Variants in FUT8 observed in about 807,000 individuals in gnomAD.
FUT8 encodes the protein fucosyltransferase 8.
FUT8 carries 29 observed loss-of-function variants against 71.3 expected under a neutral mutation model. The ratio of observed to expected loss-of-function variants is 0.41; its 90% CI spans 0.30 to 0.55. FUT8 has a LOEUF of 0.55. Among genes scored for constraint, FUT8 ranks in the 20% least tolerant of loss-of-function variants. The pLI is 0.34. For synonymous variants in FUT8, 254 were observed against 239.3 expected (o/e 1.06, Z -0.57); for missense variants, 544 against 702.1 (o/e 0.77, Z 2.55).
At chr14:65,720,926 A>G (rs1187536440) in intron 7 of FUT8, among the ~76,000 whole-genome samples, 2 of 152,040 alleles carry the variant, frequency 1.3e-5, no homozygotes, top group African/African-American at 2.4e-5. Context: ...GTGACATGGT[A>G]ACACTGAGTT....
intron 2 of FUT8, among the ~76,000 whole-genome samples, chr14:65,554,429 TA>T (rs1885467646): frequency 2.1e-5 from 2 of 93,036 alleles, no homozygotes; most frequent in Non-Finnish European, 4.7e-5. Context: ...TATCTATATA[TA>T]TATTATATAT....
intron 2 of FUT8, among the ~76,000 whole-genome samples, chr14:65,521,390 T>A (rs1192833010): frequency 1.3e-5 from 2 of 152,206 alleles, no homozygotes; most frequent in Non-Finnish European, 2.9e-5. Flanking sequence ...ACTCACAATA[T>A]TTATACTTTT....
chr14:65,377,541 A>G, the FUT8 span, among the ~76,000 whole-genome samples: 1 of 152,228 alleles, frequency 6.6e-6, no homozygotes, highest in African/African-American at 2.4e-5. Flanking sequence ...GTGTTCATGG[A>G]AAGTCACCAT....
At chr14:65,717,275 G>A (rs1594932162) in intron 7 of FUT8, among the ~76,000 whole-genome samples, 1 of 116,684 alleles carries the variant, frequency 8.6e-6, no homozygotes, top group Non-Finnish European at 1.7e-5. Context: ...CCGGGCAGAG[G>A]CGCTCCTCAC....
intron 2 of FUT8, among the ~76,000 whole-genome samples, chr14:65,524,052 G>T (rs1019553772): frequency 2.0e-5 from 3 of 152,176 alleles, no homozygotes; most frequent in Non-Finnish European, 4.4e-5. Context: ...ACTTGGCAAT[G>T]CGGGCTCTTT....
At chr14:65,425,349 G>A (rs142403947) in intron 1 of FUT8, among the ~76,000 whole-genome samples, 1,832 of 151,396 alleles carry the variant, frequency 0.012, 15 homozygotes, top group South Asian at 0.024. Flanking sequence ...TGTATTTTTA[G>A]TAGAGACAGG....
chr14:65,480,015 G>T (rs1045166947), intron 2 of FUT8, among the ~76,000 whole-genome samples: 2 of 152,024 alleles, frequency 1.3e-5, no homozygotes, highest in Non-Finnish European at 2.9e-5. Context: ...ACTATGATTG[G>T]TTCTGGGTGG....
At chr14:65,582,278 GA>G (rs1182776321) in intron 3 of FUT8, among the ~76,000 whole-genome samples, 1 of 151,546 alleles carries the variant, frequency 6.6e-6, no homozygotes, top group Non-Finnish European at 1.5e-5. Context: ...TTTTTTCCTG[GA>G]AGTGTTATAC....
At chr14:65,506,968 T>A (rs1182700672) in intron 2 of FUT8, among the ~76,000 whole-genome samples, 1 of 152,236 alleles carries the variant, frequency 6.6e-6, no homozygotes, top group African/African-American at 2.4e-5. Flanking sequence ...CTCAGCTGTT[T>A]ACAGACTCCC....
At chr14:65,373,112 T>A in the FUT8 span, among the ~76,000 whole-genome samples, 1 of 151,974 alleles carries the variant, frequency 6.6e-6, no homozygotes, top group Admixed American at 6.5e-5. Flanking sequence ...TCATTGTTTA[T>A]CTGAAATCTG....
intron 1 of FUT8, among the ~76,000 whole-genome samples, chr14:65,437,120 G>T (rs1047719396): frequency 1.3e-5 from 2 of 152,120 alleles, no homozygotes; most frequent in Non-Finnish European, 2.9e-5. Flanking sequence ...TTATAGATGT[G>T]ACAAGAATTA....
intron 2 of FUT8, among the ~76,000 whole-genome samples, chr14:65,462,518 T>C (rs1175757660): frequency 6.6e-6 from 1 of 152,216 alleles, no homozygotes; most frequent in Non-Finnish European, 1.5e-5. Flanking sequence ...CAAGAGATTT[T>C]AGAAAAATTC....
chr14:65,575,062 C>G (rs1886678673), intron 3 of FUT8, among the ~76,000 whole-genome samples: 1 of 151,262 alleles, frequency 6.6e-6, no homozygotes, highest in African/African-American at 2.4e-5. Flanking sequence ...CCTCTTCATT[C>G]CTGTATTTTA....
intron 1 of FUT8, among the ~76,000 whole-genome samples, chr14:65,431,732 T>C (rs549653505): frequency 7.8e-4 from 118 of 151,948 alleles, no homozygotes; most frequent in Non-Finnish European, 1.6e-3. Flanking sequence ...TTTCTCTCTC[T>C]CTAAATTGTG....
the FUT8 span, among the ~76,000 whole-genome samples, chr14:65,369,310 G>A: frequency 1.3e-5 from 2 of 152,208 alleles, no homozygotes; most frequent in Non-Finnish European, 2.9e-5. The surrounding 1 kb of genome is among the most constrained non-coding windows in gnomAD (Gnocchi z 4.6). Context: ...ATAAGGACAA[G>A]GTACTGAGTT....
intron 3 of FUT8, among the ~76,000 whole-genome samples, chr14:65,590,485 C>G (rs925790539): frequency 2.0e-5 from 3 of 152,078 alleles, no homozygotes; most frequent in African/African-American, 7.2e-5. Flanking sequence ...CTTAAGATGT[C>G]TCTCTGTTTC....
intron 5 of FUT8, among the ~76,000 whole-genome samples, chr14:65,620,917 C>G (rs1889573504): frequency 2.6e-5 from 4 of 152,152 alleles, no homozygotes; most frequent in Admixed American, 2.6e-4. Context: ...TGAAGTCATC[C>G]TTATTCTGCT....
At chr14:65,449,229 TGTAAA>T (rs1329432633) in intron 1 of FUT8, among the ~76,000 whole-genome samples, 2 of 152,244 alleles carry the variant, frequency 1.3e-5, no homozygotes, top group Non-Finnish European at 1.5e-5. Flanking sequence ...CTTATTTTAC[TGTAAA>T]GTAATGTTAA....
rs1594880007 is a variant in FUT8, at chr14:65,669,064, G to A, written c.598-179G>A. On this transcript the variant is annotated intron_variant, in intron 6 of 10. Coordinates refer to ENST00000673929, the MANE Select transcript of FUT8 (RefSeq NM_001371533.1). The surrounding 1 kb of genome is among the most constrained non-coding windows in gnomAD (Gnocchi z 4.5). ...GTGGGAGGAGGGTGAAGATCAAAAAGCTGCATATCACTTACTATGCTGATT... is the reference window on the plus strand; with the variant it reads ...GTGGGAGGAGGGTGAAGATCAAAAAACTGCATATCACTTACTATGCTGATT... Among the ~76,000 whole-genome samples, 1 of 151,880 alleles carries A rather than the reference G, an allele frequency of 6.6e-6. No homozygotes were observed. Among genetic ancestry groups the A allele is most frequent in the Non-Finnish European group, 1.5e-5 (1 of 67,938 alleles).
Sources: gnomAD v4.1 joint callset for allele counts (sites outside exome capture counted in the v4.1 genomes callset) on GRCh38, gnomAD v4.1.1 for gene constraint, Gnocchi (gnomAD v3.1) non-coding constraint, MANE v1.5 for transcripts, NCBI Gene and HGNC (gene_info 2026-07-23, HGNC 2026-07-21) for gene names.